The following HNRNPU variants were observed in gnomAD, a reference collection of about 807,000 sequenced individuals.
The protein encoded by HNRNPU is HNRNPU antisense RNA 1.
A neutral mutation model predicts 94.7 loss-of-function variants in HNRNPU; 5 were observed. The observed-to-expected ratio is 0.05, with a 90% CI of 0.03 to 0.11. The LOEUF (loss-of-function observed/expected upper bound fraction) is 0.11, where lower values mean the gene tolerates loss of function less well. HNRNPU is among the 10% of genes least tolerant of loss of function. HNRNPU has a pLI of 1.00. For missense variants in HNRNPU, 710 were observed against 1,049.2 expected, an observed-to-expected ratio of 0.68 and a Z score of 4.47; for synonymous variants, 434 against 381.6, an observed-to-expected ratio of 1.14 and a Z score of -1.60.
chr1:244,854,380 A>G lies in HNRNPU; in HGVS notation c.*70T>C. The G allele has an allele frequency of 9.6e-7, 1 of 1,038,308 alleles. No individual in the cohort carries two copies. The highest frequency in any genetic ancestry group is 1.5e-6 in the Non-Finnish European group (1 of 661,960). 64.3% of individuals were successfully genotyped at this position (1,038,308 alleles called of 1,614,324 possible). A position where few individuals can be genotyped will look rare whatever the true frequency, so the allele number is the denominator to read the frequency against. ...TGTGGAATGTTTAAAAAGTTAGCCT[A>G]CTAAAGAAAACAGTCGACTTCTTGT... On this transcript the variant is annotated 3_prime_UTR_variant, in exon 14 of 14. Coordinates refer to ENST00000640218, the MANE Select transcript of HNRNPU (RefSeq NM_031844.3).
chr1:244,860,013 A>T, intron 4 of HNRNPU: 1 of 228,406 alleles, frequency 4.4e-6, no homozygotes, highest in Non-Finnish European at 8.4e-6. Flanking sequence ...AAAAAGGAAA[A>T]AAAAAGGCTG....
At position 244,853,265 on chromosome 1, in the gene HNRNPU, C is replaced by A. The variant is rs1257356087; in HGVS notation, c.*1185G>T. 6.6e-6 allele frequency: 1 copy of A among 152,442 alleles called. No homozygotes were observed. Among genetic ancestry groups the A allele is most frequent in the Non-Finnish European group, 1.5e-5 (1 of 67,956 alleles). 9.4% of individuals were successfully genotyped at this position (152,442 alleles called of 1,614,324 possible). ...TCAGTATACATTTAAGTTTTTAAAA[C>A]CTAAATGTTCTATGCAGAGTAAAGA... On this transcript the variant is annotated 3_prime_UTR_variant, in exon 14 of 14. Transcript: ENST00000640218.
intron 8 of HNRNPU, chr1:244,857,371 C>G (rs1227899975): frequency 2.4e-6 from 1 of 420,812 alleles, no homozygotes; most frequent in Non-Finnish European, 4.2e-6. Flanking sequence ...CTCAACCTCC[C>G]GAGCAGCTGG....
rs1480458652 is a variant in HNRNPU, at chr1:244,853,698, C to T, written c.*752G>A. ...TTTAATAAGAAATGGGCAAAGCCAGCTTTCTTTTCAGAATCAAAATGCAGA... is the reference window on the plus strand; with the variant it reads ...TTTAATAAGAAATGGGCAAAGCCAGTTTTCTTTTCAGAATCAAAATGCAGA... On this transcript the variant is annotated 3_prime_UTR_variant, in exon 14 of 14. Coordinates refer to ENST00000640218, the MANE Select transcript of HNRNPU (RefSeq NM_031844.3). The T allele has an allele frequency of 6.6e-6, 1 of 152,548 alleles. No individual in the cohort carries two copies. The highest frequency in any genetic ancestry group is 1.9e-4 in the East Asian group (1 of 5,196). 9.4% of individuals were successfully genotyped at this position (152,548 alleles called of 1,614,324 possible). A position where few individuals can be genotyped will look rare whatever the true frequency, so the allele number is the denominator to read the frequency against.
At chr1:244,863,499 C>G in intron 1 of HNRNPU, 118 bp downstream of exon 1, 1 of 1,194,530 alleles carries the variant, frequency 8.4e-7, no homozygotes, top group South Asian at 3.2e-5. Flanking sequence ...CCCCCACCCT[C>G]ACCGCGGCGC....
In HNRNPU at chr1:244,852,075, G is replaced by C. The variant is rs1680562615; in HGVS notation, c.*2375C>G. 6.6e-6 allele frequency: 1 copy of C among 152,194 alleles called. No homozygotes were observed. Among genetic ancestry groups the C allele is most frequent in the Non-Finnish European group, 1.5e-5 (1 of 68,036 alleles). 9.4% of individuals were successfully genotyped at this position (152,194 alleles called of 1,614,324 possible). A position where few individuals can be genotyped will look rare whatever the true frequency, so the allele number is the denominator to read the frequency against. On this transcript the variant is annotated 3_prime_UTR_variant, in exon 14 of 14. Coordinates refer to ENST00000640218, the MANE Select transcript of HNRNPU (RefSeq NM_031844.3). ...ACTACATCCTTTTCAGATGTTCAGA[G>C]TTTTGCTTGCCATTAGGGAGGCAAG... is the stretch of plus-strand genomic sequence containing the variant.
chr1:244,860,115 C>T (rs1351757539), intron 4 of HNRNPU: 3 of 432,986 alleles, frequency 6.9e-6, no homozygotes, highest in South Asian at 4.9e-5. Flanking sequence ...GCCTGGCCTA[C>T]GTGGTGAAAC....
Position 244,864,316 on chromosome 1 carries a change from C to CCCCGATTCACCTA in HNRNPU, c.-10_-9insTAGGTGAATCGGG. ...ACAGGCGAGGAACTCATGGTGAGGGCCCCGATTCACCGCTAGGCGCTGCCT... is the reference window on the plus strand; with the variant it reads ...ACAGGCGAGGAACTCATGGTGAGGGCCCCGATTCACCTACCCGATTCACCGCTAGGCGCTGCCT... On this transcript the variant is annotated 5_prime_UTR_variant, in exon 1 of 14. Coordinates refer to ENST00000640218, the MANE Select transcript of HNRNPU (RefSeq NM_031844.3). 1 of 1,611,936 alleles carries CCCCGATTCACCTA rather than the reference C, an allele frequency of 6.2e-7. No homozygotes were observed. Among genetic ancestry groups the CCCCGATTCACCTA allele is most frequent in the Non-Finnish European group, 8.5e-7 (1 of 1,179,522 alleles).
chr1:244,856,328 G>A (rs1454884493), intron 10 of HNRNPU, 129 bp downstream of exon 10: 4 of 1,192,304 alleles, frequency 3.4e-6, no homozygotes, highest in African/African-American at 3.1e-5. Flanking sequence ...CAGTATTGCT[G>A]GAAAAAATGT....
chr1:244,863,365 G>A (rs1212146619), intron 1 of HNRNPU, among the ~76,000 whole-genome samples: 2 of 147,712 alleles, frequency 1.4e-5, no homozygotes, highest in African/African-American at 2.5e-5. Context: ...CCCGGCTCTC[G>A]AGCCACATAA....
At chr1:244,859,781 G>C (rs1680778454) in intron 4 of HNRNPU, 1 of 158,096 alleles carries the variant, frequency 6.3e-6, no homozygotes, top group African/African-American at 2.4e-5. Flanking sequence ...GCTCTGCATG[G>C]CAAGTTCTAA....
rs1414604002 is a variant in HNRNPU, at chr1:244,851,676, AAG to A, written c.*2772_*2773del. On this transcript the variant is annotated 3_prime_UTR_variant, in exon 14 of 14. Transcript: ENST00000640218. Reference sequence around the variant, plus strand: ...AATGAGAGCTTGTTTTTATGTATTTAAGAGTTTCCTCTTGTCATTTCAATGTC... The same window carrying A: ...AATGAGAGCTTGTTTTTATGTATTTAAGTTTCCTCTTGTCATTTCAATGTC... 6.6e-6 allele frequency: 1 copy of A among 152,220 alleles called. No homozygotes were observed. Among genetic ancestry groups the A allele is most frequent in the African/African-American group, 2.4e-5 (1 of 41,454 alleles). 9.4% of individuals were successfully genotyped at this position (152,220 alleles called of 1,614,324 possible).
intron 3 of HNRNPU, chr1:244,862,260 G>A (rs1380033903): frequency 1.9e-5 from 10 of 515,872 alleles, no homozygotes; most frequent in Non-Finnish European, 3.4e-5. Flanking sequence ...AACTCCTAGA[G>A]CCTGTAAAAT....
intron 1 of HNRNPU, among the ~76,000 whole-genome samples, 191 bp downstream of exon 1, chr1:244,863,426 G>GCA (rs1680904414): frequency 1.3e-5 from 2 of 149,354 alleles, no homozygotes; most frequent in African/African-American, 4.9e-5. Context: ...ACACACGCGC[G>GCA]CGCGCACACA....
chr1:244,859,208 TAA>T (rs1173777482), intron 5 of HNRNPU, 65 bp downstream of exon 5: 1 of 828,452 alleles, frequency 1.2e-6, no homozygotes, highest in East Asian at 2.4e-5. Flanking sequence ...GCCCTCTAGT[TAA>T]AAAACACTGA....
intron 3 of HNRNPU, chr1:244,861,477 C>G (rs957954896): frequency 2.6e-5 from 4 of 152,086 alleles, no homozygotes; most frequent in African/African-American, 9.7e-5. Context: ...GCAGTTTTTT[C>G]TTTTAAAAAG....
intron 6 of HNRNPU, 86 bp from the exon 7 acceptor site, chr1:244,858,360 T>C: frequency 2.4e-6 from 3 of 1,266,804 alleles, no homozygotes; most frequent in East Asian, 2.5e-5. Flanking sequence ...GAGCAAAGCT[T>C]ATCCTGTGGA....
chr1:244,862,395 T>TTAAA (rs528097252), intron 3 of HNRNPU, 66 bp downstream of exon 3: 30 of 799,422 alleles, frequency 3.8e-5, no homozygotes, highest in Middle Eastern at 3.5e-4. Flanking sequence ...TTAAGACTTC[T>TTAAA]AAAAAAAAAA....
rs370940607 is a variant in HNRNPU, at chr1:244,862,541, G to A, written c.804-7C>T. The A allele has an allele frequency of 3.1e-6, 5 of 1,613,270 alleles. No individual in the cohort carries two copies. Among genetic ancestry groups the A allele is most frequent in the Middle Eastern group, 1.6e-4 (1 of 6,080 alleles). ...TGGCTGAGGAGATTTGGCTCTGAAA[G>A]ACAGAATTGTCTCCTGATACAGCTT... On this transcript the variant is annotated splice_polypyrimidine_tract_variant and splice_region_variant and intron_variant, in intron 2 of 13. Transcript: ENST00000640218.
Sources: allele counts gnomAD v4.1 joint callset (sites outside exome capture counted in the v4.1 genomes callset), GRCh38; gene constraint gnomAD v4.1.1; transcripts MANE v1.5; gene names NCBI Gene and HGNC (gene_info 2026-07-23, HGNC 2026-07-21).